Variants in TENM2 observed in about 807,000 individuals in gnomAD.
The protein encoded by TENM2 is teneurin transmembrane protein 2.
A neutral mutation model predicts 245.2 loss-of-function variants in TENM2; 52 were observed. The observed-to-expected ratio is 0.21, with a 90% CI of 0.17 to 0.27. TENM2 has a LOEUF of 0.27. Ranked by LOEUF, TENM2 falls within the 10% of genes least tolerant of loss-of-function variation. The pLI, the probability that TENM2 is intolerant of heterozygous loss-of-function variation, is 1.00. For missense variants in TENM2, 3,046 were observed against 3,666.8 expected (o/e 0.83, Z 4.37); for synonymous variants, 1,363 against 1,438.9 (o/e 0.95, Z 1.19).
At position 167,394,296 on chromosome 5, in the gene TENM2, T is replaced by G. The variant is rs145107519; in HGVS notation, c.502+18823T>G. On this transcript the variant is annotated intron_variant, in intron 2 of 28. Coordinates refer to ENST00000518659, the Ensembl canonical transcript of TENM2. ...TGTAATCATTTCACATTTATTTTTGTGTATGGTGTAAAAGATAAGGATCCA... is the reference window on the plus strand; with the variant it reads ...TGTAATCATTTCACATTTATTTTTGGGTATGGTGTAAAAGATAAGGATCCA... Among the ~76,000 whole-genome samples the G allele has an allele frequency of 2.8e-3, 421 of 152,326 alleles. 3 individuals are homozygous for G. Among genetic ancestry groups the G allele is most frequent in the African/African-American group, 9.5e-3 (395 of 41,590 alleles).
At chr5:167,108,139 T>G in the TENM2 span, among the ~76,000 whole-genome samples, 1 of 152,172 alleles carries the variant, frequency 6.6e-6, no homozygotes, top group Non-Finnish European at 1.5e-5. Context: ...TTGTTTTGTT[T>G]TATTGAGACA....
intron 2 of TENM2, among the ~76,000 whole-genome samples, chr5:167,414,650 C>T (rs1763074698): frequency 6.6e-6 from 1 of 152,160 alleles, no homozygotes; most frequent in Non-Finnish European, 1.5e-5. Flanking sequence ...ATCTTGGGAT[C>T]TGCAATAAAA....
At chr5:167,321,071 C>T (rs1756686232) in intron 1 of TENM2, among the ~76,000 whole-genome samples, 1 of 152,042 alleles carries the variant, frequency 6.6e-6, no homozygotes, top group South Asian at 2.1e-4. Flanking sequence ...ATAAATTCTC[C>T]ATTTTCAAAT....
rs1219522057 is a variant in TENM2 at position 168,182,900 on chromosome 5, G to T, written c.2570-7437G>T. Among the ~76,000 whole-genome samples, 9 of 147,178 alleles carry T rather than the reference G, an allele frequency of 6.1e-5. No homozygotes were observed. In the East Asian group the frequency reaches 1.6e-3, roughly 26 times the overall value. Reference sequence around the variant, plus strand: ...GCCTGGAGTGCAGTGATGCAATTGGGCCTCACTGCAACCTCCGCCTCCCGC... The same window carrying T: ...GCCTGGAGTGCAGTGATGCAATTGGTCCTCACTGCAACCTCCGCCTCCCGC... On this transcript the variant is annotated intron_variant, in intron 13 of 28. Coordinates refer to ENST00000518659, the Ensembl canonical transcript of TENM2.
chr5:167,782,728 C>CT (rs1411310298), intron 2 of TENM2, among the ~76,000 whole-genome samples: 3 of 152,156 alleles, frequency 2.0e-5, no homozygotes, highest in African/African-American at 4.8e-5. Flanking sequence ...CTTTTGGGTA[C>CT]TTTTTTGATC....
chr5:167,469,814 G>A (rs1264672569), intron 2 of TENM2, among the ~76,000 whole-genome samples: 1 of 151,926 alleles, frequency 6.6e-6, no homozygotes, highest in Non-Finnish European at 1.5e-5. Context: ...AATGGAGACA[G>A]CATGGGAGTA....
intron 7 of TENM2, among the ~76,000 whole-genome samples, chr5:168,071,868 G>A (rs1278433429): frequency 6.6e-6 from 1 of 152,118 alleles, no homozygotes; most frequent in Non-Finnish European, 1.5e-5. Context: ...TCAGGGGTGG[G>A]GACTTTTATT....
At chr5:167,230,409 T>C in the TENM2 span, among the ~76,000 whole-genome samples, 1 of 152,306 alleles carries the variant, frequency 6.6e-6, no homozygotes, top group East Asian at 1.9e-4. Context: ...CTGACACTTC[T>C]CTGTTGGATT....
chr5:167,114,615 A>AT, the TENM2 span, among the ~76,000 whole-genome samples: 1 of 152,226 alleles, frequency 6.6e-6, no homozygotes, highest in East Asian at 1.9e-4. Flanking sequence ...TTTGCTTTTT[A>AT]TTTTTTGCTT....
chr5:167,657,959 C>A (rs1754960307), intron 2 of TENM2, among the ~76,000 whole-genome samples: 1 of 152,184 alleles, frequency 6.6e-6, no homozygotes. Context: ...ACCTAACTTT[C>A]TGGGTTTGAA....
intron 7 of TENM2, among the ~76,000 whole-genome samples, chr5:168,072,022 G>A (rs1791051841): frequency 6.6e-6 from 1 of 152,156 alleles, no homozygotes; most frequent in African/African-American, 2.4e-5. Context: ...GGCTTGGGAA[G>A]TCATTTTGTG....
intron 5 of TENM2, among the ~76,000 whole-genome samples, chr5:168,043,814 A>C (rs1047746234): frequency 1.3e-5 from 2 of 152,208 alleles, no homozygotes; most frequent in Non-Finnish European, 2.9e-5. Context: ...CAACAGTATA[A>C]AGAAATCTAA....
At chr5:167,473,928 C>G (rs1767203124) in intron 2 of TENM2, among the ~76,000 whole-genome samples, 1 of 152,060 alleles carries the variant, frequency 6.6e-6, no homozygotes, top group South Asian at 2.1e-4. Context: ...TTGCAATGGG[C>G]CTGAGTTTTA....
chr5:167,610,479 C>G (rs866972865), intron 2 of TENM2, among the ~76,000 whole-genome samples: 3 of 152,104 alleles, frequency 2.0e-5, no homozygotes, highest in Non-Finnish European at 4.4e-5. Flanking sequence ...AATCTAGGGG[C>G]CCCCTATTCA....
At chr5:167,991,906 A>G (rs1783697133) in intron 4 of TENM2, among the ~76,000 whole-genome samples, 1 of 152,186 alleles carries the variant, frequency 6.6e-6, no homozygotes. Flanking sequence ...CTCAAAGGCT[A>G]ATATCTCCAA....
In TENM2 at chr5:168,218,396, G is replaced by A. The variant is rs747267609; in HGVS notation, c.4505G>A (p.Arg1502His). ...GATGAGAAGAAGATTAACCGTCTAC[G>A]CCAGGTAACAACCAACGGGGAGATC... Residue 1502 changes from arginine (R) to histidine (H), a missense_variant, in exon 23 of 29, where the codon CGC (arginine) becomes CAC (histidine). Transcript: ENST00000518659. This position sits in a 1 kb window ranked among gnomAD's most constrained non-coding sequence, Gnocchi z 5.2. The A allele has an allele frequency of 7.4e-6, 12 of 1,613,892 alleles. No homozygotes were observed. Among genetic ancestry groups the A allele is most frequent in the Middle Eastern group, 1.6e-4 (1 of 6,084 alleles).
chr5:167,606,209 C>T (rs1455746179), intron 2 of TENM2, among the ~76,000 whole-genome samples: 1 of 152,160 alleles, frequency 6.6e-6, no homozygotes, highest in South Asian at 2.1e-4. Context: ...AATCTAAGTG[C>T]ACTTGTCAGC....
intron 2 of TENM2, among the ~76,000 whole-genome samples, chr5:167,522,086 C>T (rs988978932): frequency 6.6e-6 from 1 of 152,022 alleles, no homozygotes; most frequent in Admixed American, 6.6e-5. Flanking sequence ...TAAAAAGTGA[C>T]CAGTTGAGTT....
chr5:168,248,115 G>A (rs371232211), exon 27 of TENM2: 33 of 1,613,884 alleles, frequency 2.0e-5, no homozygotes, highest in East Asian at 8.9e-5. Flanking sequence ...TGCAGTACAC[G>A]GCCTATGGGG....
Sources: gnomAD v4.1 joint callset for allele counts (sites outside exome capture counted in the v4.1 genomes callset) on GRCh38, gnomAD v4.1.1 for gene constraint, Gnocchi (gnomAD v3.1) non-coding constraint, MANE v1.5 for transcripts, NCBI Gene and HGNC (gene_info 2026-07-23, HGNC 2026-07-21) for gene names.